Variants in SLC4A4 observed in about 807,000 individuals in gnomAD.
SLC4A4 encodes solute carrier family 4 member 4.
In SLC4A4, 27 loss-of-function variants were observed where a neutral mutation model predicts 111.5. That is an observed-to-expected ratio of 0.24 (90% confidence interval 0.18 to 0.33). The LOEUF is 0.33. Among genes scored for constraint, SLC4A4 ranks in the 10% least tolerant of loss-of-function variants. The pLI is 1.00. For synonymous variants in SLC4A4, 443 were observed against 463.4 expected (o/e 0.96, Z 0.57); for missense variants, 909 against 1,315.5 (o/e 0.69, Z 4.78).
At chr4:71,319,644 A>G (rs1460650200) in intron 3 of SLC4A4, among the ~76,000 whole-genome samples, 1 of 152,096 alleles carries the variant, frequency 6.6e-6, no homozygotes, top group Non-Finnish European at 1.5e-5. Context: ...AGAATCAATA[A>G]TACATCAGTA....
chr4:71,465,466 G>T (rs1304538273), intron 12 of SLC4A4, among the ~76,000 whole-genome samples: 2 of 150,380 alleles, frequency 1.3e-5, no homozygotes, highest in South Asian at 4.3e-4. Context: ...ACATGTGCTT[G>T]TCTATAGGTT....
At chr4:71,458,426 A>G (rs1726496085) in intron 12 of SLC4A4, among the ~76,000 whole-genome samples, 1 of 152,112 alleles carries the variant, frequency 6.6e-6, no homozygotes, top group Non-Finnish European at 1.5e-5. Context: ...GAATAAGCAC[A>G]GTCTAGAGTG....
At chr4:71,524,532 T>C (rs776281199) in intron 16 of SLC4A4, among the ~76,000 whole-genome samples, 1 of 152,182 alleles carries the variant, frequency 6.6e-6, no homozygotes, top group Non-Finnish European at 1.5e-5. Context: ...TTAGAACTTA[T>C]GGCACTAAAA....
chr4:71,377,249 A>G (rs574434989), intron 6 of SLC4A4, among the ~76,000 whole-genome samples: 4 of 152,370 alleles, frequency 2.6e-5, no homozygotes, highest in South Asian at 2.1e-4. Context: ...TGCCTTATAC[A>G]TAGCAGTAAA....
intron 2 of SLC4A4, among the ~76,000 whole-genome samples, chr4:71,128,546 T>G (rs892944941): frequency 6.6e-6 from 1 of 151,948 alleles, no homozygotes; most frequent in Non-Finnish European, 1.5e-5. Context: ...TGGAGTGGAG[T>G]GGCATGATCT....
chr4:71,319,991 A>G (rs1320906935), intron 3 of SLC4A4, among the ~76,000 whole-genome samples: 1 of 151,892 alleles, frequency 6.6e-6, no homozygotes, highest in Non-Finnish European at 1.5e-5. Context: ...CATCTTTTGA[A>G]ATGAATGTGA....
intron 6 of SLC4A4, among the ~76,000 whole-genome samples, chr4:71,365,517 G>A (rs938662156): frequency 9.9e-5 from 15 of 152,112 alleles, no homozygotes; most frequent in Non-Finnish European, 1.6e-4. Context: ...TAAAATATGA[G>A]CACCATGGGT....
chr4:71,419,544 C>T (rs530277884), intron 7 of SLC4A4, among the ~76,000 whole-genome samples: 3 of 152,188 alleles, frequency 2.0e-5, no homozygotes, highest in Admixed American at 6.5e-5. Context: ...TTAAGCCTGT[C>T]GGAAAAGTGC....
chr4:71,278,392 G>C (rs1172369121), intron 3 of SLC4A4, among the ~76,000 whole-genome samples: 1 of 152,144 alleles, frequency 6.6e-6, no homozygotes, highest in African/African-American at 2.4e-5. Flanking sequence ...TAATGCTGTG[G>C]TGAATATGTG....
In SLC4A4 at chr4:71,569,422, A is replaced by T. The variant is rs1199201737; in HGVS notation, c.*1671A>T. 4 of 151,670 alleles carry T rather than the reference A, an allele frequency of 2.6e-5. No individual in the cohort carries two copies. Among genetic ancestry groups the T allele is most frequent in the South Asian group, 2.1e-4 (1 of 4,830 alleles). 9.4% of individuals were successfully genotyped at this position (151,670 alleles called of 1,614,324 possible). A position where few individuals can be genotyped will look rare whatever the true frequency, so the allele number is the denominator to read the frequency against. ...GGCAATTATTCTTTGTAAGCGGGAC[A>T]TTTAGAATATATTTGTGTACATATT... On this transcript the variant is annotated 3_prime_UTR_variant, in exon 26 of 26. Transcript: ENST00000264485.
rs1266631087 is a variant in SLC4A4, at chr4:71,568,632, T to G, written c.*881T>G. On this transcript the variant is annotated 3_prime_UTR_variant, in exon 26 of 26. Coordinates refer to ENST00000264485, the MANE Select transcript of SLC4A4 (RefSeq NM_001098484.3). ...TTATTTTTTGTCAATTTTTAAAACT[T>G]TTTTTTAATTACTGTAAAGAAAATG... 1 of 152,124 alleles carries G rather than the reference T, an allele frequency of 6.6e-6. No homozygotes were observed. Among genetic ancestry groups the G allele is most frequent in the Non-Finnish European group, 1.5e-5 (1 of 67,794 alleles). The allele number at this position is 152,124 out of a possible 1,614,324, so 9.4% of individuals were successfully genotyped here. A position where few individuals can be genotyped will look rare whatever the true frequency, so the allele number is the denominator to read the frequency against.
At chr4:71,189,677 T>C (rs1322108502) in intron 1 of SLC4A4, among the ~76,000 whole-genome samples, 3 of 152,226 alleles carry the variant, frequency 2.0e-5, no homozygotes, top group Non-Finnish European at 4.4e-5. Context: ...TAAACAGGAT[T>C]CCTTGCCTGC....
chr4:71,128,972 A>G (rs1028594362), intron 2 of SLC4A4, among the ~76,000 whole-genome samples: 2 of 152,190 alleles, frequency 1.3e-5, no homozygotes, highest in Non-Finnish European at 2.9e-5. Context: ...CCGCCTTTGA[A>G]TTAAAGACTT....
rs576205716 is a variant in SLC4A4 at position 71,330,437 on chromosome 4, A to T, written c.254-8933A>T. On this transcript the variant is annotated intron_variant, in intron 3 of 25. Coordinates refer to ENST00000264485, the MANE Select transcript of SLC4A4 (RefSeq NM_001098484.3). The stretch of plus-strand genomic sequence containing the variant: ...CCCTCAGAAATAATACCACACATCT[A>T]CAACTATCTGATCTTTGATAAACCT... 5.3e-5 allele frequency among the ~76,000 whole-genome samples: 8 copies of T among 152,334 alleles called. No individual in the cohort carries two copies. The South Asian group carries it at 1.7e-3, about 32-fold the overall frequency.
At chr4:71,415,663 G>C (rs1315009588) in intron 7 of SLC4A4, among the ~76,000 whole-genome samples, 1 of 152,166 alleles carries the variant, frequency 6.6e-6, no homozygotes, top group Non-Finnish European at 1.5e-5. Context: ...ATGTTGGAGA[G>C]CACTAAGCAT....
chr4:71,108,117 T>G (rs1221787793), intron 2 of SLC4A4, among the ~76,000 whole-genome samples: 1 of 152,216 alleles, frequency 6.6e-6, no homozygotes, highest in Non-Finnish European at 1.5e-5. Flanking sequence ...TTACAGTGTG[T>G]GTCCCAAAAC....
rs150694259 is a variant in SLC4A4, at chr4:71,362,947, T to G, written c.730+5760T>G. On this transcript the variant is annotated intron_variant, in intron 6 of 25. Transcript: ENST00000264485. ...CTGATAGAACCTCTGCATCTTATCT[T>G]CAATTTACCACCATTTTCCTCTTTT... Among the ~76,000 whole-genome samples the G allele has an allele frequency of 2.6e-3, 391 of 152,292 alleles. 1 individual carries two copies. Among genetic ancestry groups the G allele is most frequent in the African/African-American group, 9.1e-3 (377 of 41,560 alleles).
At chr4:71,148,012 A>G (rs1578524813) in intron 2 of SLC4A4, among the ~76,000 whole-genome samples, 1 of 152,250 alleles carries the variant, frequency 6.6e-6, no homozygotes, top group South Asian at 2.1e-4. Flanking sequence ...TCCAAAGTTC[A>G]GGTAAGTGAC....
At chr4:71,537,450 TAGAG>T (rs1560599847) in intron 18 of SLC4A4, among the ~76,000 whole-genome samples, 9 of 147,272 alleles carry the variant, frequency 6.1e-5, no homozygotes, top group Admixed American at 4.1e-4. Flanking sequence ...TGTGTATATA[TAGAG>T]AGAGAGAGAA....
Sources: allele counts gnomAD v4.1 joint callset (sites outside exome capture counted in the v4.1 genomes callset), GRCh38; gene constraint gnomAD v4.1.1; transcripts MANE v1.5; gene names NCBI Gene and HGNC (gene_info 2026-07-23, HGNC 2026-07-21).